The following VPS53 variants were observed in gnomAD, a reference collection of about 807,000 sequenced individuals.
The protein encoded by VPS53 is VPS53 subunit of GARP complex.
VPS53 carries 70 observed loss-of-function variants against 107.0 expected under a neutral mutation model. The observed-to-expected ratio is 0.65, with a 90% CI of 0.54 to 0.80. The LOEUF is 0.80. Among genes scored for constraint, VPS53 ranks in the 30% least tolerant of loss-of-function variants. The pLI is 0.00. For missense variants in VPS53, 917 were observed against 1,049.4 expected (o/e 0.87, Z 1.74); for synonymous variants, 409 against 393.3 (o/e 1.04, Z -0.47).
At chr17:703,265 C>T (rs1293979916) in intron 2 of VPS53, among the ~76,000 whole-genome samples, 1 of 152,070 alleles carries the variant, frequency 6.6e-6, no homozygotes, top group Non-Finnish European at 1.5e-5. Context: ...CCTGAAGCTG[C>T]AGAGATCCCA....
chr17:708,564 C>T (rs1973505051), intron 2 of VPS53, among the ~76,000 whole-genome samples: 1 of 152,138 alleles, frequency 6.6e-6, no homozygotes, highest in Non-Finnish European at 1.5e-5. Flanking sequence ...TGTGGGCAGG[C>T]CTGGGGAATG....
intron 4 of VPS53, chr17:675,245 T>C (rs1410749563): frequency 2.6e-5 from 4 of 152,088 alleles, no homozygotes; most frequent in South Asian, 2.1e-4. Context: ...AAGTCTTCAA[T>C]GAAAAAAAAG....
In VPS53 at chr17:524,928, C is replaced by T. The variant is rs1404176739; in HGVS notation, c.2086-3190G>A. Among the ~76,000 whole-genome samples the T allele has an allele frequency of 6.6e-6, 1 of 152,212 alleles. No homozygotes were observed. The highest frequency in any genetic ancestry group is 1.5e-5 in the Non-Finnish European group (1 of 68,044). On this transcript the variant is annotated intron_variant, in intron 19 of 21. Transcript: ENST00000437048. This position sits in a 1 kb window ranked among gnomAD's most constrained non-coding sequence, Gnocchi z 4.5. ...AGCTGGAGATGTGTATCACCCATAA[C>T]ACAGCATTAATACTTATATCCATTA... is the stretch of plus-strand genomic sequence containing the variant.
At position 586,195 on chromosome 17, in the gene VPS53, G is replaced by C. The variant is rs2143000449; in HGVS notation, c.1313+75C>G. ...CCATCTTTCAGCCCCGGAAGGAGCT[G>C]TGCGCTCCTAAGACCCAGTCATGAC... On this transcript the variant is annotated intron_variant, in intron 13 of 21. Transcript: ENST00000437048. The C allele has an allele frequency of 2.2e-6, 3 of 1,357,212 alleles. No homozygotes were observed. In the East Asian group the frequency reaches 6.9e-5, roughly 31 times the overall value. The allele number at this position is 1,357,212 out of a possible 1,614,324, so 84.1% of individuals were successfully genotyped here.
At chr17:549,972 T>C (rs1911671233) in intron 17 of VPS53, among the ~76,000 whole-genome samples, 1 of 152,250 alleles carries the variant, frequency 6.6e-6, no homozygotes, top group Non-Finnish European at 1.5e-5. Context: ...ATATTTACAA[T>C]CTACTGCAAA....
intron 17 of VPS53, among the ~76,000 whole-genome samples, chr17:548,007 G>A (rs1472808076): frequency 1.3e-5 from 2 of 152,132 alleles, no homozygotes; most frequent in African/African-American, 4.8e-5. Context: ...GATCTTAAAG[G>A]ACGTGCTCCT....
rs140516619 is a variant in VPS53, at chr17:576,797, A to T, written c.1313+9473T>A. Reference sequence around the variant, plus strand: ...CAGAACCTCAGTGCATTTCCAGAGAACCTCCCTCAGAACCCAATATGTGCC... The same window carrying T: ...CAGAACCTCAGTGCATTTCCAGAGATCCTCCCTCAGAACCCAATATGTGCC... On this transcript the variant is annotated intron_variant, in intron 13 of 21. Coordinates refer to ENST00000437048, the MANE Select transcript of VPS53 (RefSeq NM_001128159.3). 2.3e-4 allele frequency among the ~76,000 whole-genome samples: 34 copies of T among 147,208 alleles called. 1 individual carries two copies. In the East Asian group the frequency reaches 6.9e-3, roughly 30 times the overall value.
intron 12 of VPS53, among the ~76,000 whole-genome samples, chr17:592,202 G>T (rs573909791): frequency 7.4e-4 from 112 of 152,190 alleles, no homozygotes; most frequent in African/African-American, 2.6e-3. Flanking sequence ...TGAGAGACTA[G>T]GATTGCAACC....
chr17:710,886 A>C (rs1368572662), intron 1 of VPS53, among the ~76,000 whole-genome samples: 13 of 151,048 alleles, frequency 8.6e-5, no homozygotes, highest in Admixed American at 7.3e-4. Flanking sequence ...CGGAGGTTAC[A>C]GTGAGCCGAG....
At position 531,945 on chromosome 17, in the gene VPS53, G is replaced by GTT. The variant is rs145507855; in HGVS notation, c.2085+895_2085+896dup. The GTT allele has an allele frequency of 8.6e-3, 677 of 78,444 alleles. 28 individuals are homozygous for GTT. Among genetic ancestry groups the GTT allele is most frequent in the African/African-American group, 0.02 (356 of 18,230 alleles). 4.9% of individuals were successfully genotyped at this position (78,444 alleles called of 1,614,324 possible). A position where few individuals can be genotyped will look rare whatever the true frequency, so the allele number is the denominator to read the frequency against. On this transcript the variant is annotated intron_variant, in intron 19 of 21. Coordinates refer to ENST00000437048, the MANE Select transcript of VPS53 (RefSeq NM_001128159.3). ...CATGCACCACCACGCCTGGCTAATT[G>GTT]TTTTTTTTTTTTTTTTTTTTTTGAG...
chr17:625,614 G>A (rs1377965180), intron 10 of VPS53, among the ~76,000 whole-genome samples: 1 of 152,198 alleles, frequency 6.6e-6, no homozygotes, highest in East Asian at 1.9e-4. Context: ...CGCTCTGGCG[G>A]AAGGTGCCGA....
chr17:632,012 C>G (rs950568097), intron 7 of VPS53, among the ~76,000 whole-genome samples: 2 of 152,148 alleles, frequency 1.3e-5, no homozygotes, highest in Non-Finnish European at 2.9e-5. Context: ...ATGTGGGAAG[C>G]TGACGTGAGA....
chr17:619,599 T>C (rs1969367631), intron 11 of VPS53, among the ~76,000 whole-genome samples: 1 of 92,126 alleles, frequency 1.1e-5, no homozygotes, highest in African/African-American at 4.8e-5. Flanking sequence ...ATTTCCCGGG[T>C]AGCTGGGACT....
In VPS53 at chr17:645,861, C is replaced by A. The variant is rs1419704135; in HGVS notation, c.608+7430G>T. 4.5e-5 allele frequency among the ~76,000 whole-genome samples: 6 copies of A among 132,260 alleles called. 1 individual carries two copies. The highest frequency in any genetic ancestry group is 7.8e-5 in the African/African-American group (3 of 38,600). 86.8% of individuals were successfully genotyped at this position (132,260 alleles called of 152,430 possible). ...CACGGACTGGAGACTGGCTCTTACA[C>A]ACATCTCCGTGACCGCGTGGTCTCT... On this transcript the variant is annotated intron_variant, in intron 7 of 21. Coordinates refer to ENST00000437048, the MANE Select transcript of VPS53 (RefSeq NM_001128159.3).
chr17:644,279 A>G (rs1340430713), intron 7 of VPS53, among the ~76,000 whole-genome samples: 2 of 152,224 alleles, frequency 1.3e-5, no homozygotes, highest in Non-Finnish European at 2.9e-5. Flanking sequence ...ATTTCAGAAC[A>G]CAACTTTTCA....
At position 714,774 on chromosome 17, in the gene VPS53, G is replaced by A. The variant is rs1973789101; in HGVS notation, c.-65C>T. The A allele has an allele frequency of 2.5e-6, 4 of 1,581,282 alleles. No homozygotes were observed. Among genetic ancestry groups the A allele is most frequent in the Admixed American group, 1.7e-5 (1 of 59,902 alleles). ...AACTCAGGCCTCCAGCCGCCACCCAGGCCCCAGCACAGCAACTCCCTCGCG... is the reference window on the plus strand; with the variant it reads ...AACTCAGGCCTCCAGCCGCCACCCAAGCCCCAGCACAGCAACTCCCTCGCG... On this transcript the variant is annotated 5_prime_UTR_variant, in exon 1 of 22. Coordinates refer to ENST00000437048, the MANE Select transcript of VPS53 (RefSeq NM_001128159.3).
At chr17:567,107 CA>C (rs1464753224) in intron 13 of VPS53, among the ~76,000 whole-genome samples, 4 of 152,192 alleles carry the variant, frequency 2.6e-5, no homozygotes, top group Admixed American at 2.0e-4. Flanking sequence ...ATTCTATTTT[CA>C]TCACTCACCT....
At chr17:551,164 G>T (rs1911783942) in intron 17 of VPS53, among the ~76,000 whole-genome samples, 1 of 151,964 alleles carries the variant, frequency 6.6e-6, no homozygotes, top group African/African-American at 2.4e-5. Flanking sequence ...GAAAGACATG[G>T]TCTGTGCACT....
chr17:671,239 A>AGAAAAGAAAG (rs1555578187), intron 4 of VPS53, among the ~76,000 whole-genome samples: 16 of 150,338 alleles, frequency 1.1e-4, no homozygotes, highest in Admixed American at 8.0e-4. Flanking sequence ...AGAAAAGAAA[A>AGAAAAGAAAG]GAAAGAAGAA....
Sources: allele counts gnomAD v4.1 joint callset (sites outside exome capture counted in the v4.1 genomes callset), GRCh38; gene constraint gnomAD v4.1.1; non-coding constraint Gnocchi (gnomAD v3.1); transcripts MANE v1.5; gene names NCBI Gene and HGNC (gene_info 2026-07-23, HGNC 2026-07-21).